The following PPP2R3A variants were observed in gnomAD, a reference collection of about 807,000 sequenced individuals.
The protein encoded by PPP2R3A is protein phosphatase 2 regulatory subunit B''alpha, also known as serine/threonine-protein phosphatase 2A regulatory subunit B'' subunit alpha.
Under a neutral mutation model 106.9 loss-of-function variants are expected in PPP2R3A, and 80 were observed. The observed-to-expected ratio is 0.75, with a 90% CI of 0.62 to 0.90. The LOEUF is 0.90. Ranked by LOEUF, PPP2R3A falls within the 40% of genes least tolerant of loss-of-function variation. The probability of loss-of-function intolerance (pLI) is 0.00; values close to 1 mark genes in which losing one functional copy is unlikely to be tolerated. For missense variants in PPP2R3A, 1,386 were observed against 1,350.4 expected (o/e 1.03, Z -0.41); for synonymous variants, 483 against 468.3 (o/e 1.03, Z -0.41).
At chr3:135,984,878 A>C (rs1937585357) in intron 1 of PPP2R3A, among the ~76,000 whole-genome samples, 1 of 152,220 alleles carries the variant, frequency 6.6e-6, no homozygotes, top group South Asian at 2.1e-4. Flanking sequence ...AAGGAGGAGC[A>C]AGTCACATCT....
chr3:136,032,808 A>G (rs1036918283), intron 3 of PPP2R3A, among the ~76,000 whole-genome samples: 1 of 152,188 alleles, frequency 6.6e-6, no homozygotes, highest in African/African-American at 2.4e-5. Flanking sequence ...TGCTGGGATT[A>G]TAGGCGTGAG....
chr3:135,988,292 A>G (rs1358137140), intron 1 of PPP2R3A, among the ~76,000 whole-genome samples: 1 of 151,016 alleles, frequency 6.6e-6, no homozygotes, highest in African/African-American at 2.4e-5. Flanking sequence ...TCTTAGATTT[A>G]TTATTGACCT....
At position 136,003,382 on chromosome 3, in the gene PPP2R3A, C is replaced by A. The variant is rs889685090; in HGVS notation, c.1884C>A (p.Thr628=). ...AAATGATGCAAATTCTACAGGAAAC[C>A]TTGACAACTTCCTCCCAGGCCAATT... ...EKEMMQILQE[T]LTTSSQANLS... is the part of the protein sequence containing the mutation. Residue 628 remains threonine, a synonymous_variant, in exon 2 of 14, where the codon ACC becomes ACA. Transcript: ENST00000264977. The A allele has an allele frequency of 6.2e-7, 1 of 1,613,850 alleles. No homozygotes were observed. The highest frequency in any genetic ancestry group is 8.5e-7 in the Non-Finnish European group (1 of 1,179,926).
Position 135,995,167 on chromosome 3 carries a change from G to C in PPP2R3A, c.-440-5892G>C, listed in dbSNP as rs188690813. 2.6e-5 allele frequency among the ~76,000 whole-genome samples: 4 copies of C among 152,060 alleles called. No individual in the cohort carries two copies. In the East Asian group the frequency reaches 7.7e-4, roughly 29 times the overall value. On this transcript the variant is annotated intron_variant, in intron 1 of 13. Transcript: ENST00000264977. ...AAGGACCAGCAGAGACCAAAAGCCT[G>C]GGGGGGTGGGGCTGGCAGCATGCCA...
At chr3:136,016,588 G>A (rs1434039507) in intron 2 of PPP2R3A, among the ~76,000 whole-genome samples, 2 of 151,996 alleles carry the variant, frequency 1.3e-5, no homozygotes, top group Non-Finnish European at 2.9e-5. Context: ...TTTTTTAACT[G>A]TTGTCGCTTT....
intron 13 of PPP2R3A, among the ~76,000 whole-genome samples, chr3:136,130,937 G>C (rs1938388008): frequency 6.6e-6 from 1 of 152,130 alleles, no homozygotes; most frequent in African/African-American, 2.4e-5. Context: ...AATGGTGCTG[G>C]GAAAATTGGC....
intron 13 of PPP2R3A, among the ~76,000 whole-genome samples, chr3:136,126,265 C>T (rs1036816621): frequency 4.6e-5 from 7 of 152,244 alleles, no homozygotes; most frequent in Non-Finnish European, 7.3e-5. Flanking sequence ...ACACTCACAC[C>T]TAAATACTGC....
chr3:136,073,443 G>T (rs1414271995), intron 6 of PPP2R3A, among the ~76,000 whole-genome samples: 1 of 152,182 alleles, frequency 6.6e-6, no homozygotes, highest in East Asian at 1.9e-4. Context: ...CATGGCATTT[G>T]TATGTAACTT....
At chr3:136,128,417 A>C (rs989465949) in intron 13 of PPP2R3A, among the ~76,000 whole-genome samples, 1 of 152,154 alleles carries the variant, frequency 6.6e-6, no homozygotes, top group African/African-American at 2.4e-5. Flanking sequence ...CAAAAGAGAC[A>C]AAGAAGGCCA....
chr3:136,065,309 A>G (rs892616560), intron 5 of PPP2R3A, among the ~76,000 whole-genome samples: 1 of 152,194 alleles, frequency 6.6e-6, no homozygotes, highest in Non-Finnish European at 1.5e-5. Context: ...ATGTTTAGTT[A>G]TAGAGATAAC....
intron 1 of PPP2R3A, among the ~76,000 whole-genome samples, chr3:135,975,819 C>G (rs1325512566): frequency 1.3e-5 from 2 of 151,984 alleles, no homozygotes; most frequent in Non-Finnish European, 2.9e-5. Context: ...GTTATCTGTA[C>G]TAATATTACA....
chr3:136,078,813 C>T (rs778799072), intron 7 of PPP2R3A, among the ~76,000 whole-genome samples: 2 of 152,138 alleles, frequency 1.3e-5, no homozygotes, highest in African/African-American at 2.4e-5. Flanking sequence ...CTTGGAAAGG[C>T]CTTGGAAGAT....
intron 1 of PPP2R3A, among the ~76,000 whole-genome samples, chr3:135,978,611 A>G (rs1197258845): frequency 6.6e-6 from 1 of 151,826 alleles, no homozygotes; most frequent in Admixed American, 6.6e-5. Flanking sequence ...TTTATTGGTA[A>G]TAAAAATCTA....
intron 10 of PPP2R3A, among the ~76,000 whole-genome samples, chr3:136,101,005 C>T (rs764822598): frequency 8.6e-5 from 13 of 152,002 alleles, no homozygotes; most frequent in Non-Finnish European, 1.5e-4. Context: ...CGCAGAGTAA[C>T]AAAATAATGA....
At chr3:136,141,825 C>T (rs1481037180) in intron 13 of PPP2R3A, among the ~76,000 whole-genome samples, 1 of 152,098 alleles carries the variant, frequency 6.6e-6, no homozygotes, top group Non-Finnish European at 1.5e-5. Context: ...GAACTTAAGC[C>T]AGTGGTGGTA....
chr3:136,019,394 T>G (rs937889732), intron 2 of PPP2R3A, among the ~76,000 whole-genome samples: 14 of 152,186 alleles, frequency 9.2e-5, no homozygotes, highest in African/African-American at 3.4e-4. Context: ...GGTTAGTTCC[T>G]CCAGGAGAAA....
intron 2 of PPP2R3A, among the ~76,000 whole-genome samples, chr3:136,012,225 A>G (rs564444434): frequency 6.6e-6 from 1 of 152,334 alleles, no homozygotes; most frequent in African/African-American, 2.4e-5. Flanking sequence ...AAGCAGACTA[A>G]GAAGTACAGA....
chr3:136,003,474 A>G lies in PPP2R3A; in HGVS notation c.1976A>G (p.Gln659Arg). 1 of 1,611,448 alleles carries G rather than the reference A, an allele frequency of 6.2e-7. No homozygotes were observed. The change falls in exon 2 of 14, where the codon CAG becomes CGG. Residue 659 changes from glutamine to arginine, a missense_variant. Physicochemically the swap from Gln to Arg is conservative, Grantham distance 43. Coordinates refer to ENST00000264977, the MANE Select transcript of PPP2R3A (RefSeq NM_002718.5). ...KDTTSAVLIQ[Q>R]TPEVIKIQNK... ...ACTACTTCAGCAGTTTTGATTCAGC[A>G]GACTCCAGAGGTGATCAAGGTAAGA... is the stretch of plus-strand genomic sequence containing the variant.
At chr3:136,130,064 G>T (rs887310811) in intron 13 of PPP2R3A, among the ~76,000 whole-genome samples, 2 of 152,266 alleles carry the variant, frequency 1.3e-5, no homozygotes, top group African/African-American at 4.8e-5. Context: ...GTATCATACT[G>T]AATGGGCAAA....
Sources: allele counts gnomAD v4.1 joint callset (sites outside exome capture counted in the v4.1 genomes callset), GRCh38; gene constraint gnomAD v4.1.1; transcripts MANE v1.5; gene names NCBI Gene and HGNC (gene_info 2026-07-23, HGNC 2026-07-21).